The following TLN2 variants were observed in gnomAD, a reference collection of about 807,000 sequenced individuals.
The protein encoded by TLN2 is talin 2.
A neutral mutation model predicts 294.7 loss-of-function variants in TLN2; 118 were observed. The ratio of observed to expected loss-of-function variants is 0.40; its 90% CI spans 0.34 to 0.47. The LOEUF is 0.47. Ranked by LOEUF, TLN2 falls within the 20% of genes least tolerant of loss-of-function variation. The pLI is 0.84. For synonymous variants in TLN2, 1,431 were observed against 1,304.5 expected (o/e 1.10, Z -2.09); for missense variants, 3,083 against 3,282.2 (o/e 0.94, Z 1.48).
At chr15:62,618,528 A>T (rs1184146180) in intron 3 of TLN2, 53 bp downstream of exon 3, 3 of 152,222 alleles carry the variant, frequency 2.0e-5, no homozygotes, top group Non-Finnish European at 4.4e-5. Context: ...GGAGGTGATC[A>T]TGACACACAG....
At chr15:62,765,969 C>T (rs1222533128) in intron 40 of TLN2, among the ~76,000 whole-genome samples, 1 of 152,178 alleles carries the variant, frequency 6.6e-6, no homozygotes, top group Non-Finnish European at 1.5e-5. Context: ...CATTATCTGC[C>T]TGCATTTGGA....
At chr15:62,417,247 C>G (rs2034133731) in intron 1 of TLN2, among the ~76,000 whole-genome samples, 1 of 152,144 alleles carries the variant, frequency 6.6e-6, no homozygotes. Context: ...TTTAATTTGC[C>G]TGTCGCCCTC....
chr15:62,657,979 C>G (rs1018487623), intron 9 of TLN2, 81 bp downstream of exon 9: 4 of 1,335,942 alleles, frequency 3.0e-6, no homozygotes, highest in Admixed American at 2.1e-5. Flanking sequence ...AGCTAGGTGT[C>G]TAAGATCATA....
chr15:62,752,206 T>C lies in TLN2; in HGVS notation c.4210-99T>C, dbSNP rs1034889043. 7 of 1,455,734 alleles carry C rather than the reference T, an allele frequency of 4.8e-6. No individual in the cohort carries two copies. The African/African-American group carries it at 1.0e-4, about 21-fold the overall frequency. The allele number at this position is 1,455,734 out of a possible 1,614,324, so 90.2% of individuals were successfully genotyped here. On this transcript the variant is annotated intron_variant, in intron 34 of 58. Coordinates refer to ENST00000636159, the MANE Select transcript of TLN2 (RefSeq NM_015059.3). ...AGGAGAAAATGTCAAATGTTCCAAA[T>C]TAAGTTGCCTTGAATATTAAAGTTG...
At chr15:62,523,202 AT>A (rs778890352) in intron 1 of TLN2, among the ~76,000 whole-genome samples, 1 of 152,232 alleles carries the variant, frequency 6.6e-6, no homozygotes, top group Non-Finnish European at 1.5e-5. Context: ...ACAAGGGGAG[AT>A]AAATTCCAGA....
At chr15:62,669,003 G>GT (rs1163645894) in intron 9 of TLN2, among the ~76,000 whole-genome samples, 1 of 152,186 alleles carries the variant, frequency 6.6e-6, no homozygotes, top group South Asian at 2.1e-4. Context: ...TAGGGCCAAG[G>GT]TTTTTTCTTG....
rs371766428 is a variant in TLN2 at position 62,701,088 on chromosome 15, C to T, written c.1588-18C>T. 35 of 1,606,778 alleles carry T rather than the reference C, an allele frequency of 2.2e-5. No homozygotes were observed. Among genetic ancestry groups the T allele is most frequent in the African/African-American group, 8.0e-5 (6 of 74,646 alleles). On this transcript the variant is annotated intron_variant, in intron 16 of 58. Coordinates refer to ENST00000636159, the MANE Select transcript of TLN2 (RefSeq NM_015059.3). Reference sequence around the variant, plus strand: ...ATTCTGTGCTGTGATTGTGTTGTGCCGTTGTCTGGCTTTGCAGGCATCTAG... The same window carrying T: ...ATTCTGTGCTGTGATTGTGTTGTGCTGTTGTCTGGCTTTGCAGGCATCTAG...
At chr15:62,632,292 G>A (rs1242738934) in intron 3 of TLN2, among the ~76,000 whole-genome samples, 2 of 152,198 alleles carry the variant, frequency 1.3e-5, no homozygotes, top group Non-Finnish European at 2.9e-5. Context: ...GGTCTTGTCT[G>A]GAAAGGTCGA....
intron 1 of TLN2, among the ~76,000 whole-genome samples, chr15:62,473,709 G>T (rs2037619519): frequency 6.6e-6 from 1 of 152,192 alleles, no homozygotes; most frequent in South Asian, 2.1e-4. Context: ...TCTTTCATCA[G>T]TGCTACAAGA....
intron 1 of TLN2, among the ~76,000 whole-genome samples, chr15:62,418,555 G>A (rs1050991785): frequency 2.0e-5 from 3 of 152,170 alleles, no homozygotes; most frequent in Non-Finnish European, 4.4e-5. Context: ...AATGTCTCAC[G>A]TGTCCGTATG....
chr15:62,775,745 A>G (rs919652276), intron 42 of TLN2, among the ~76,000 whole-genome samples: 1 of 152,198 alleles, frequency 6.6e-6, no homozygotes, highest in South Asian at 2.1e-4. Context: ...GAAAGGGTCT[A>G]CTTCCCCAAC....
chr15:62,676,373 A>G (rs1362707249), intron 11 of TLN2, among the ~76,000 whole-genome samples: 1 of 152,220 alleles, frequency 6.6e-6, no homozygotes, highest in African/African-American at 2.4e-5. Context: ...GGCCTTTGCA[A>G]TGAAGAACGT....
chr15:62,775,050 G>A (rs11629651), intron 42 of TLN2, among the ~76,000 whole-genome samples: 10,851 of 140,978 alleles, frequency 0.077, 532 homozygotes, highest in Non-Finnish European at 0.11. Flanking sequence ...TCCACCTCCC[G>A]GGTTCACGCC....
chr15:62,733,359 G>T (rs2060833431), intron 28 of TLN2, among the ~76,000 whole-genome samples: 1 of 152,200 alleles, frequency 6.6e-6, no homozygotes, highest in Non-Finnish European at 1.5e-5. Context: ...CAAGGAAAGA[G>T]AGAGCGTGTG....
chr15:62,472,063 C>T (rs575441687), intron 1 of TLN2, among the ~76,000 whole-genome samples: 2 of 152,308 alleles, frequency 1.3e-5, no homozygotes, highest in South Asian at 4.1e-4. Flanking sequence ...TAGATGCTCA[C>T]CTGATTTCCC....
chr15:62,586,349 G>A (rs1303028500), intron 1 of TLN2, among the ~76,000 whole-genome samples: 1 of 152,158 alleles, frequency 6.6e-6, no homozygotes, highest in East Asian at 1.9e-4. Context: ...AACTTCTAGG[G>A]AAATTTTGTA....
intron 3 of TLN2, among the ~76,000 whole-genome samples, chr15:62,644,107 C>T (rs915966080): frequency 1.2e-4 from 19 of 152,192 alleles, no homozygotes; most frequent in African/African-American, 4.3e-4. Context: ...CCACCCCTCT[C>T]TTCCATCTCT....
intron 2 of TLN2, 31 bp downstream of exon 2, chr15:62,589,793 T>C (rs1293105637): frequency 6.6e-6 from 1 of 152,200 alleles, no homozygotes; most frequent in African/African-American, 2.4e-5. Flanking sequence ...ACTTTGTTCT[T>C]ATCAATTGGC....
chr15:62,821,698 AT>A (rs932133661), intron 54 of TLN2, among the ~76,000 whole-genome samples: 4 of 152,064 alleles, frequency 2.6e-5, no homozygotes, highest in Non-Finnish European at 5.9e-5. Context: ...TAACTTAAGG[AT>A]TTGGGCTTCT....
Sources: gnomAD v4.1 joint callset for allele counts (sites outside exome capture counted in the v4.1 genomes callset) on GRCh38, gnomAD v4.1.1 for gene constraint, MANE v1.5 for transcripts, NCBI Gene and HGNC (gene_info 2026-07-23, HGNC 2026-07-21) for gene names.